The following CSNK1A1 variants were observed in gnomAD, a reference collection of about 807,000 sequenced individuals.
CSNK1A1 encodes the protein casein kinase 1 alpha 1.
Under a neutral mutation model 46.1 loss-of-function variants are expected in CSNK1A1, and 7 were observed. That is an observed-to-expected ratio of 0.15 (90% confidence interval 0.09 to 0.29). The LOEUF (loss-of-function observed/expected upper bound fraction) is 0.29, where lower values mean the gene tolerates loss of function less well. CSNK1A1 is among the 10% of genes least tolerant of loss of function. CSNK1A1 has a pLI of 1.00. For missense variants in CSNK1A1, 96 were observed against 417.1 expected (o/e 0.23, Z 6.71); for synonymous variants, 137 against 141.5 (o/e 0.97, Z 0.23).
At chr5:149,542,595 TATA>T (rs1762273856) in intron 2 of CSNK1A1, among the ~76,000 whole-genome samples, 10 of 2,828 alleles carry the variant, frequency 3.5e-3, no homozygotes, top group African/African-American at 0.016. Flanking sequence ...TACAAATTTA[TATA>T]TATATATATA....
intron 8 of CSNK1A1, among the ~76,000 whole-genome samples, chr5:149,506,586 T>C (rs1162810681): frequency 2.0e-5 from 3 of 152,152 alleles, no homozygotes; most frequent in Admixed American, 1.3e-4. Context: ...GAGCCACATG[T>C]AATCTATTCC....
At chr5:149,503,159 CAT>C in intron 9 of CSNK1A1, 1 of 985,402 alleles carries the variant, frequency 1.0e-6, no homozygotes, top group Non-Finnish European at 1.2e-6. Flanking sequence ...GCAGGAATAA[CAT>C]AGAGCAATTG....
chr5:149,506,880 T>C, intron 8 of CSNK1A1, 147 bp downstream of exon 8: 1 of 607,110 alleles, frequency 1.6e-6, no homozygotes, highest in Non-Finnish European at 2.8e-6. Context: ...AATGCCAAAT[T>C]AGTCCCAAAT....
intron 3 of CSNK1A1, 51 bp downstream of exon 3, chr5:149,524,994 C>T (rs2113126663): frequency 6.7e-7 from 1 of 1,491,808 alleles, no homozygotes; most frequent in South Asian, 1.3e-5. Context: ...TAATGAAATT[C>T]CAGTCAACAG....
chr5:149,530,982 C>T (rs749878932), intron 2 of CSNK1A1, among the ~76,000 whole-genome samples: 1 of 44,792 alleles, frequency 2.2e-5, no homozygotes, highest in East Asian at 7.5e-4. Flanking sequence ...AAAAAAAGAA[C>T]ACATAAACAA....
At chr5:149,509,045 T>C (rs190204923) in intron 7 of CSNK1A1, among the ~76,000 whole-genome samples, 60 of 152,072 alleles carry the variant, frequency 3.9e-4, no homozygotes, top group African/African-American at 1.4e-3. Context: ...TGCCCCAGCA[T>C]CCCCAAGAAG....
chr5:149,550,242 A>T lies in CSNK1A1; in HGVS notation c.124-61T>A, dbSNP rs1762612520. The T allele has an allele frequency of 1.9e-6, 3 of 1,587,100 alleles. No homozygotes were observed. In the South Asian group the frequency reaches 3.4e-5, roughly 18 times the overall value. On this transcript the variant is annotated intron_variant, in intron 1 of 9. Transcript: ENST00000377843. The surrounding 1 kb of genome is among the most constrained non-coding windows in gnomAD (Gnocchi z 4.3). ...CCTACGGATTCAATGTCACTTAGGA[A>T]AGGAGGGAGACATTAGCAAAACTCC...
At chr5:149,534,842 T>C (rs2113155827) in intron 2 of CSNK1A1, among the ~76,000 whole-genome samples, 1 of 149,502 alleles carries the variant, frequency 6.7e-6, no homozygotes, top group South Asian at 2.1e-4. Context: ...GAGGATCACT[T>C]GAGCCTCGGC....
intron 3 of CSNK1A1, among the ~76,000 whole-genome samples, chr5:149,521,452 C>T (rs1761567695): frequency 6.6e-6 from 1 of 151,642 alleles, no homozygotes; most frequent in Non-Finnish European, 1.5e-5. Context: ...TTTGTGTCAG[C>T]TAATTTTTAA....
intron 7 of CSNK1A1, among the ~76,000 whole-genome samples, chr5:149,508,060 T>G (rs1349993051): frequency 1.3e-5 from 2 of 152,198 alleles, no homozygotes; most frequent in African/African-American, 4.8e-5. Flanking sequence ...TCTCCTCTCC[T>G]AGAGTAAATG....
At chr5:149,506,220 C>T (rs1761019378) in intron 8 of CSNK1A1, among the ~76,000 whole-genome samples, 1 of 151,976 alleles carries the variant, frequency 6.6e-6, no homozygotes, top group African/African-American at 2.4e-5. Context: ...AGCCATTGCA[C>T]CTGGCAGATT....
At chr5:149,513,874 T>C (rs1463611245) in intron 4 of CSNK1A1, among the ~76,000 whole-genome samples, 1 of 150,176 alleles carries the variant, frequency 6.7e-6, no homozygotes, top group African/African-American at 2.5e-5. Flanking sequence ...CACTCCAGCC[T>C]GGGTGACAGA....
chr5:149,535,760 G>C (rs1030310864), intron 2 of CSNK1A1, among the ~76,000 whole-genome samples: 2 of 152,128 alleles, frequency 1.3e-5, no homozygotes, highest in African/African-American at 4.8e-5. Flanking sequence ...TCCTGCCTCA[G>C]CCTCCTGAGT....
At chr5:149,529,122 AT>A (rs1761808493) in intron 2 of CSNK1A1, among the ~76,000 whole-genome samples, 1 of 152,252 alleles carries the variant, frequency 6.6e-6, no homozygotes, top group African/African-American at 2.4e-5. Context: ...ATTAAAAAAA[AT>A]CAAGTAATTT....
chr5:149,542,630 A>G (rs1418753607), intron 2 of CSNK1A1, among the ~76,000 whole-genome samples: 71 of 10,904 alleles, frequency 6.5e-3, no homozygotes, highest in East Asian at 0.034. Flanking sequence ...ATATATATAT[A>G]TATATATATG....
In CSNK1A1 at chr5:149,551,155, C is replaced by T. The variant is rs976316597; in HGVS notation, c.-191G>A. On this transcript the variant is annotated 5_prime_UTR_variant, in exon 1 of 10. Coordinates refer to ENST00000377843, the MANE Select transcript of CSNK1A1 (RefSeq NM_001892.6). ...TGATCACCGCCGCTCAGTCAGGTTT[C>T]TTTTTGCCAGGCCGCAGTTTGTGAA... 1 of 502,388 alleles carries T rather than the reference C, an allele frequency of 2.0e-6. No individual in the cohort carries two copies. The highest frequency in any genetic ancestry group is 3.5e-6 in the Non-Finnish European group (1 of 288,776). 31.1% of individuals were successfully genotyped at this position (502,388 alleles called of 1,614,324 possible).
Position 149,505,502 on chromosome 5 carries a change from C to G in CSNK1A1, c.951G>C (p.Gln317His), listed in dbSNP as rs1760994119. ...QQAASSSGQG[Q>H]QAQTPTGKQT... is the part of the protein sequence containing the mutation. ...GCTTGCCTGTGGGGGTTTGGGCCTGCTGACCCTGCCCACTGGAAGAGGCTG... is the reference window on the plus strand; with the variant it reads ...GCTTGCCTGTGGGGGTTTGGGCCTGGTGACCCTGCCCACTGGAAGAGGCTG... Residue 317 changes from glutamine to histidine, a missense_variant, in exon 9 of 10, where the codon CAG (glutamine) becomes CAC (histidine). Transcript: ENST00000377843. 6.2e-7 allele frequency: 1 copy of G among 1,614,004 alleles called. No homozygotes were observed. Among genetic ancestry groups the G allele is most frequent in the South Asian group, 1.1e-5 (1 of 91,082 alleles).
chr5:149,548,162 C>T (rs1301904520), intron 2 of CSNK1A1, among the ~76,000 whole-genome samples: 2 of 152,130 alleles, frequency 1.3e-5, no homozygotes, highest in Admixed American at 6.6e-5. Context: ...TGAGCCACCA[C>T]GCCTGGCTGG....
chr5:149,551,066 G>C lies in CSNK1A1; in HGVS notation c.-102C>G. 7.5e-7 allele frequency: 1 copy of C among 1,342,000 alleles called. No individual in the cohort carries two copies. The highest frequency in any genetic ancestry group is 2.0e-5 in the Admixed American group (1 of 49,718). 83.1% of individuals were successfully genotyped at this position (1,342,000 alleles called of 1,614,324 possible). A position where few individuals can be genotyped will look rare whatever the true frequency, so the allele number is the denominator to read the frequency against. ...ACTAGGCAAGGCTACGGAGGAGGGC[G>C]GCAGGAAACGGAACACGGAGGCCTT... On this transcript the variant is annotated 5_prime_UTR_variant, in exon 1 of 10. Transcript: ENST00000377843.
Sources: allele counts gnomAD v4.1 joint callset (sites outside exome capture counted in the v4.1 genomes callset), GRCh38; gene constraint gnomAD v4.1.1; non-coding constraint Gnocchi (gnomAD v3.1); transcripts MANE v1.5; gene names NCBI Gene and HGNC (gene_info 2026-07-23, HGNC 2026-07-21).